Variants in AATF observed in about 807,000 individuals in gnomAD.
AATF encodes the protein apoptosis antagonizing transcription factor.
AATF carries 48 observed loss-of-function variants against 63.7 expected under a neutral mutation model. That is an observed-to-expected ratio of 0.75 (90% CI 0.60 to 0.96). The LOEUF (loss-of-function observed/expected upper bound fraction) is 0.96, where lower values mean the gene tolerates loss of function less well. Among genes scored for constraint, AATF ranks in the 40% least tolerant of loss-of-function variants. The pLI is 0.00. For synonymous variants in AATF, 258 were observed against 247.7 expected, an observed-to-expected ratio of 1.04 and a Z score of -0.39; for missense variants, 639 against 685.7, an observed-to-expected ratio of 0.93 and a Z score of 0.76.
intron 8 of AATF, among the ~76,000 whole-genome samples, chr17:36,994,569 C>T (rs2071239809): frequency 6.6e-6 from 1 of 152,208 alleles, no homozygotes; most frequent in Non-Finnish European, 1.5e-5. Context: ...AATTACTTTA[C>T]AGTTGGCCTA....
intron 10 of AATF, among the ~76,000 whole-genome samples, chr17:37,022,335 A>G (rs2071479200): frequency 6.6e-6 from 1 of 152,212 alleles, no homozygotes; most frequent in Admixed American, 6.6e-5. Context: ...CTGATTTTTA[A>G]AGATCTTCAG....
chr17:36,951,948 A>G (rs2070858597), intron 2 of AATF, among the ~76,000 whole-genome samples: 1 of 152,210 alleles, frequency 6.6e-6, no homozygotes, highest in African/African-American at 2.4e-5. Flanking sequence ...TGGGGCTTTT[A>G]TGTTCTACCA....
intron 8 of AATF, among the ~76,000 whole-genome samples, chr17:37,008,037 CTTAT>C (rs1252582766): frequency 6.6e-6 from 1 of 152,124 alleles, no homozygotes; most frequent in East Asian, 1.9e-4. Flanking sequence ...TCCTTTCACT[CTTAT>C]TTGTTACACA....
At chr17:36,959,728 T>A (rs778146296) in intron 4 of AATF, among the ~76,000 whole-genome samples, 1 of 152,184 alleles carries the variant, frequency 6.6e-6, no homozygotes, top group Non-Finnish European at 1.5e-5. Flanking sequence ...GAGCACCATG[T>A]TTCATTACAG....
chr17:37,017,897 C>G (rs2071439963), intron 8 of AATF, among the ~76,000 whole-genome samples: 1 of 152,060 alleles, frequency 6.6e-6, no homozygotes, highest in East Asian at 1.9e-4. Context: ...TCATTTGAAC[C>G]ACTGAAGCCC....
chr17:36,982,233 G>GTTTTTTTTTTTT (rs61030839), intron 4 of AATF, among the ~76,000 whole-genome samples: 8 of 121,744 alleles, frequency 6.6e-5, no homozygotes, highest in Admixed American at 8.1e-5. Context: ...TTTTTGTTTT[G>GTTTTTTTTTTTT]TTTTTTTTTT....
chr17:37,015,736 G>T lies in AATF; in HGVS notation c.1399-3269G>T, dbSNP rs192121528. ...CACCATTCAGTTTCTTCCAGAAAAG[G>T]CTCCTCTGCTTTCCTGCCTAGGAAA... On this transcript the variant is annotated intron_variant, in intron 8 of 11. Coordinates refer to ENST00000619387, the MANE Select transcript of AATF (RefSeq NM_012138.4). Among the ~76,000 whole-genome samples, 4 of 152,138 alleles carry T rather than the reference G, an allele frequency of 2.6e-5. No individual in the cohort carries two copies. The South Asian group carries it at 6.2e-4, about 24-fold the overall frequency.
chr17:36,999,829 G>A (rs1417416728), intron 8 of AATF: 4 of 152,382 alleles, frequency 2.6e-5, no homozygotes, highest in African/African-American at 9.7e-5. Flanking sequence ...GGGATGGCAA[G>A]TGCACAGACT....
chr17:36,969,590 A>G (rs1202623222), intron 4 of AATF, among the ~76,000 whole-genome samples: 1 of 152,048 alleles, frequency 6.6e-6, no homozygotes, highest in Non-Finnish European at 1.5e-5. Flanking sequence ...CATTGCTAGC[A>G]CCCCAGTCAT....
chr17:36,988,004 T>A (rs1330726165), intron 5 of AATF, among the ~76,000 whole-genome samples: 1 of 152,220 alleles, frequency 6.6e-6, no homozygotes, highest in Non-Finnish European at 1.5e-5. Flanking sequence ...ACTAGTTCTT[T>A]TTATATTTGT....
chr17:37,001,565 A>T (rs2071298561), intron 8 of AATF, among the ~76,000 whole-genome samples: 1 of 152,242 alleles, frequency 6.6e-6, no homozygotes, highest in South Asian at 2.1e-4. Flanking sequence ...GTATTATAAC[A>T]TATCAATAGA....
At chr17:37,014,436 C>T (rs1010365666) in intron 8 of AATF, among the ~76,000 whole-genome samples, 5 of 151,996 alleles carry the variant, frequency 3.3e-5, no homozygotes, top group African/African-American at 1.2e-4. Context: ...ATATGTAGGG[C>T]GACTGTATAA....
intron 4 of AATF, among the ~76,000 whole-genome samples, chr17:36,985,843 C>T (rs916230137): frequency 2.6e-5 from 4 of 152,174 alleles, no homozygotes; most frequent in Admixed American, 2.6e-4. Context: ...GCCACAGCGC[C>T]CGGCCGACCA....
At chr17:37,004,760 C>T (rs912887565) in intron 8 of AATF, among the ~76,000 whole-genome samples, 1 of 152,116 alleles carries the variant, frequency 6.6e-6, no homozygotes, top group Non-Finnish European at 1.5e-5. Flanking sequence ...AAAGTTACCT[C>T]AGAGAGTGAA....
chr17:37,022,113 CGTGTGTGTGTGTGTGTGTGT>C (rs71159679), intron 10 of AATF, among the ~76,000 whole-genome samples: 4 of 145,434 alleles, frequency 2.8e-5, no homozygotes, highest in Admixed American at 6.9e-5. Flanking sequence ...TGGTAACTGC[CGTGTGTGTGTGTGTGTGTGT>C]GTGTGTGTGT....
chr17:37,037,011 T>TG (rs1483286038), intron 11 of AATF, among the ~76,000 whole-genome samples: 12 of 97,636 alleles, frequency 1.2e-4, no homozygotes, highest in African/African-American at 3.8e-4. Flanking sequence ...CATCTTTTTG[T>TG]TTTTTTTTTT....
At chr17:36,981,638 T>C (rs529934037) in intron 4 of AATF, among the ~76,000 whole-genome samples, 12 of 151,408 alleles carry the variant, frequency 7.9e-5, no homozygotes, top group South Asian at 2.1e-4. Context: ...TTCTTTCTTT[T>C]TTCTTCTTCT....
chr17:36,964,922 G>A (rs138499366), intron 4 of AATF, among the ~76,000 whole-genome samples: 1 of 152,072 alleles, frequency 6.6e-6, no homozygotes, highest in Non-Finnish European at 1.5e-5. Flanking sequence ...GAGAGCTACC[G>A]CTTTCGGGTT....
chr17:36,973,442 G>A lies in AATF; in HGVS notation c.833-13175G>A, dbSNP rs186964706. 5.3e-5 allele frequency among the ~76,000 whole-genome samples: 8 copies of A among 152,316 alleles called. No homozygotes were observed. In the East Asian group the frequency reaches 1.5e-3, roughly 29 times the overall value. The stretch of plus-strand genomic sequence containing the variant: ...TGGTTTAACTTAACTCTTTTCATCT[G>A]AGGGTTTTCTCCCCTTTTCAAAGAG... On this transcript the variant is annotated intron_variant, in intron 4 of 11. Transcript: ENST00000619387.
Sources: gnomAD v4.1 joint callset for allele counts (sites outside exome capture counted in the v4.1 genomes callset) on GRCh38, gnomAD v4.1.1 for gene constraint, MANE v1.5 for transcripts, NCBI Gene and HGNC (gene_info 2026-07-23, HGNC 2026-07-21) for gene names.